ERICH1: variants seen among roughly 807,000 people sequenced by gnomAD.
The protein encoded by ERICH1 is glutamate rich 1.
In ERICH1, 56 loss-of-function variants were observed where a neutral mutation model predicts 39.6. That is an observed-to-expected ratio of 1.41 (90% CI 1.14 to 1.77). The LOEUF (loss-of-function observed/expected upper bound fraction) is 1.77, where lower values mean the gene tolerates loss of function less well. Among genes scored for constraint, ERICH1 ranks in the 40% most tolerant of loss-of-function variants. ERICH1 has a pLI of 0.00. For missense variants in ERICH1, 826 were observed against 575.4 expected (o/e 1.44, Z -4.45); for synonymous variants, 313 against 223.6 (o/e 1.40, Z -3.57).
chr8:723,957 T>C (rs940988126), intron 1 of ERICH1, among the ~76,000 whole-genome samples: 11 of 152,210 alleles, frequency 7.2e-5, no homozygotes, highest in Non-Finnish European at 1.2e-4. Context: ...CAATGAGTAG[T>C]AGATTCTTGA....
intron 3 of ERICH1, among the ~76,000 whole-genome samples, chr8:687,650 C>A (rs1807755752): frequency 6.6e-6 from 1 of 152,084 alleles, no homozygotes; most frequent in Admixed American, 6.5e-5. Flanking sequence ...GCGCGGGGAG[C>A]GCCCGGGCGG....
chr8:622,081 G>A (rs935701475), intron 3 of ERICH1, among the ~76,000 whole-genome samples: 12 of 152,068 alleles, frequency 7.9e-5, no homozygotes, highest in South Asian at 2.1e-4. Flanking sequence ...TTAACCAAGC[G>A]TGGTGGCATG....
chr8:705,018 C>T (rs1297681682), intron 2 of ERICH1, among the ~76,000 whole-genome samples: 1 of 152,214 alleles, frequency 6.6e-6, no homozygotes, highest in South Asian at 2.1e-4. Context: ...TGCACATACA[C>T]CAGTTATTTT....
chr8:671,007 A>T (rs1803198887), intron 4 of ERICH1, among the ~76,000 whole-genome samples: 1 of 149,646 alleles, frequency 6.7e-6, no homozygotes, highest in Admixed American at 6.6e-5. Context: ...CCAGGCTCCG[A>T]CCTCTGAACC....
intron 3 of ERICH1, among the ~76,000 whole-genome samples, chr8:621,892 C>G (rs373671787): frequency 6.6e-5 from 10 of 152,270 alleles, no homozygotes; most frequent in African/African-American, 1.7e-4. Flanking sequence ...GGAAATATAT[C>G]TAAAACAATT....
intron 3 of ERICH1, among the ~76,000 whole-genome samples, chr8:643,369 AC>A (rs1177336411): frequency 6.6e-6 from 1 of 151,894 alleles, no homozygotes; most frequent in Admixed American, 6.6e-5. Flanking sequence ...GGAAAGGCTG[AC>A]CCCCTGGGTG....
At chr8:650,854 G>A (rs1401150667) in intron 3 of ERICH1, among the ~76,000 whole-genome samples, 1 of 152,246 alleles carries the variant, frequency 6.6e-6, no homozygotes, top group Non-Finnish European at 1.5e-5. Context: ...ATGGTGAAAG[G>A]TCCGACTGAG....
At chr8:668,402 A>T in intron 5 of ERICH1, 196 bp downstream of exon 5, 6 of 622,490 alleles carry the variant, frequency 9.6e-6, no homozygotes, top group Non-Finnish European at 1.7e-5. Flanking sequence ...ATTTCTGCAT[A>T]TATTATGTGA....
chr8:662,497 A>C (rs905974820), downstream of ERICH1, among the ~76,000 whole-genome samples: 5 of 152,054 alleles, frequency 3.3e-5, no homozygotes, highest in South Asian at 1.0e-3. Flanking sequence ...AAAAATACAA[A>C]ATTAGTCATG....
chr8:724,911 G>C (rs1585718255), intron 1 of ERICH1, among the ~76,000 whole-genome samples: 1 of 152,104 alleles, frequency 6.6e-6, no homozygotes, highest in East Asian at 1.9e-4. Context: ...GACCACGAGG[G>C]AGCCACGGCT....
intron 3 of ERICH1, among the ~76,000 whole-genome samples, chr8:623,438 T>C (rs1297699045): frequency 6.6e-6 from 1 of 152,224 alleles, no homozygotes; most frequent in Non-Finnish European, 1.5e-5. Context: ...ACAAGAATAC[T>C]ATAACAACTC....
chr8:645,486 C>T lies in ERICH1; in HGVS notation c.976+23112G>A, dbSNP rs1418862107. ...TCTCTTGAACTTTATGGCAGACAGT[C>T]GTGTTTTCCTTACTGTCCCCCCCAA... On this transcript the variant is annotated intron_variant, in intron 3 of 3. Coordinates refer to the ERICH1 transcript ENST00000522706. 1.4e-4 allele frequency among the ~76,000 whole-genome samples: 7 copies of T among 50,850 alleles called. 3 individuals are homozygous for T. The highest frequency in any genetic ancestry group is 1.3e-3 in the Admixed American group (7 of 5,384). The allele number at this position is 50,850 out of a possible 152,430, so 33.4% of individuals were successfully genotyped here.
intron 3 of ERICH1, among the ~76,000 whole-genome samples, chr8:640,005 C>G (rs141864630): frequency 3.3e-5 from 5 of 152,330 alleles, no homozygotes; most frequent in East Asian, 3.9e-4. Flanking sequence ...CACACATGCC[C>G]TGTGTGTGCC....
chr8:712,543 C>CTA (rs1814990115), intron 2 of ERICH1, among the ~76,000 whole-genome samples: 1 of 152,172 alleles, frequency 6.6e-6, no homozygotes, highest in African/African-American at 2.4e-5. Context: ...GATTCTCCTG[C>CTA]CTCAGCCTCT....
chr8:639,038 C>T (rs117550936), intron 3 of ERICH1, among the ~76,000 whole-genome samples: 11 of 152,342 alleles, frequency 7.2e-5, no homozygotes, highest in Non-Finnish European at 1.6e-4. Context: ...CGGAAGCCGT[C>T]TCTCAAGCAG....
At chr8:726,755 C>G (rs1051031472) in intron 1 of ERICH1, among the ~76,000 whole-genome samples, 1 of 151,340 alleles carries the variant, frequency 6.6e-6, no homozygotes, top group Non-Finnish European at 1.5e-5. Flanking sequence ...TACACGCACA[C>G]CACACACAGA....
intron 3 of ERICH1, among the ~76,000 whole-genome samples, chr8:622,923 A>G (rs1797372449): frequency 6.6e-6 from 1 of 151,514 alleles, no homozygotes; most frequent in Admixed American, 6.6e-5. Context: ...GTACCACTGT[A>G]CTCCAACCTG....
downstream of ERICH1, among the ~76,000 whole-genome samples, chr8:662,366 A>T (rs1052507321): frequency 1.8e-4 from 27 of 152,258 alleles, no homozygotes; most frequent in African/African-American, 5.5e-4. Context: ...AGAAGCATTT[A>T]GGCCGGGTGC....
intron 2 of ERICH1, among the ~76,000 whole-genome samples, chr8:714,686 G>A: frequency 6.7e-5 from 1 of 14,984 alleles, no homozygotes; most frequent in African/African-American, 2.8e-4. Flanking sequence ...CTGCACCCAG[G>A]CGGCCTCTTC....
Sources: allele counts gnomAD v4.1 joint callset (sites outside exome capture counted in the v4.1 genomes callset), GRCh38; gene constraint gnomAD v4.1.1; transcripts MANE v1.5; gene names NCBI Gene and HGNC (gene_info 2026-07-23, HGNC 2026-07-21).